Variants in RASGEF1A observed in about 807,000 individuals in gnomAD.
RASGEF1A encodes the protein RasGEF domain family member 1A.
In RASGEF1A, 18 loss-of-function variants were observed where a neutral mutation model predicts 56.4. That is an observed-to-expected ratio of 0.32 (90% CI 0.22 to 0.47). RASGEF1A has a LOEUF of 0.47. Among genes scored for constraint, RASGEF1A ranks in the 20% least tolerant of loss-of-function variants. RASGEF1A has a pLI of 1.00. For missense variants in RASGEF1A, 422 were observed against 627.1 expected, an observed-to-expected ratio of 0.67 and a Z score of 3.49; for synonymous variants, 245 against 242.6, an observed-to-expected ratio of 1.01 and a Z score of -0.09.
At chr10:43,248,923 C>CA (rs1333588034) in intron 1 of RASGEF1A, among the ~76,000 whole-genome samples, 1 of 152,106 alleles carries the variant, frequency 6.6e-6, no homozygotes, top group African/African-American at 2.4e-5. Context: ...CACCAGCCGG[C>CA]AACAAGTGCT....
At chr10:43,209,996 G>A (rs1041918640) in intron 1 of RASGEF1A, among the ~76,000 whole-genome samples, 2 of 152,222 alleles carry the variant, frequency 1.3e-5, no homozygotes, top group African/African-American at 2.4e-5. Flanking sequence ...TGTGGCCGCT[G>A]GACCTGCAGC....
intron 1 of RASGEF1A, among the ~76,000 whole-genome samples, chr10:43,209,826 C>T (rs1385873859): frequency 6.6e-6 from 1 of 152,160 alleles, no homozygotes; most frequent in Non-Finnish European, 1.5e-5. Flanking sequence ...AGAGCCAGAC[C>T]CTGCATGGAT....
Position 43,203,508 on chromosome 10 carries a change from T to C in RASGEF1A, c.199-88A>G, listed in dbSNP as rs917019075. 5 of 1,439,284 alleles carry C rather than the reference T, an allele frequency of 3.5e-6. No individual in the cohort carries two copies. The African/African-American group carries it at 4.4e-5, about 13-fold the overall frequency. The allele number at this position is 1,439,284 out of a possible 1,614,324, so 89.2% of individuals were successfully genotyped here. On this transcript the variant is annotated intron_variant, in intron 2 of 12. Coordinates refer to ENST00000395810, the MANE Select transcript of RASGEF1A (RefSeq NM_145313.4). ...CGCTGCTTCACCTGGCCCGGCTGCC[T>C]CCCAGGCCCAGCACCGCCGGTCCCG...
chr10:43,257,749 C>T (rs565973821), intron 1 of RASGEF1A, among the ~76,000 whole-genome samples: 1 of 152,320 alleles, frequency 6.6e-6, no homozygotes, highest in South Asian at 2.1e-4. Flanking sequence ...GCTGCACTGA[C>T]CATTTTCACA....
At chr10:43,255,656 T>C (rs1480558886) in intron 1 of RASGEF1A, among the ~76,000 whole-genome samples, 1 of 152,224 alleles carries the variant, frequency 6.6e-6, no homozygotes, top group African/African-American at 2.4e-5. Flanking sequence ...AAACCGGAAG[T>C]GTCTGTCCAA....
chr10:43,252,024 G>A lies in RASGEF1A; in HGVS notation c.-7+14821C>T, dbSNP rs975316509. Among the ~76,000 whole-genome samples the A allele has an allele frequency of 5.3e-5, 8 of 152,214 alleles. No individual in the cohort carries two copies. In the South Asian group the frequency reaches 1.0e-3, roughly 20 times the overall value. On this transcript the variant is annotated intron_variant, in intron 1 of 12. Transcript: ENST00000395810. ...CCCTGAGGACACACAGGGTGGTGTC[G>A]AGCTCCCACCTGGCCCTGGCCATGA...
intron 1 of RASGEF1A, chr10:43,208,807 G>C: frequency 1.0e-6 from 1 of 985,544 alleles, no homozygotes. Flanking sequence ...AGCACTTCGA[G>C]GAGGGTCTCC....
chr10:43,206,383 G>T (rs766488981), intron 1 of RASGEF1A, among the ~76,000 whole-genome samples: 1 of 152,216 alleles, frequency 6.6e-6, no homozygotes, highest in Non-Finnish European at 1.5e-5. Flanking sequence ...ACTCAAAGCC[G>T]GCAGAGAAGA....
rs1210989709 is a variant in RASGEF1A, at chr10:43,200,206, G to A, written c.732C>T (p.His244=). Residue 244 remains histidine, a synonymous_variant, in exon 6 of 13, where the codon CAC becomes CAT. Transcript: ENST00000395810. The stretch of plus-strand genomic sequence containing the variant: ...CCCTGTGGTTGTCCAAGGAGTCCAT[G>A]TGGCTGACGATCTGCATCAAGTCCT... ...YPEDLMQIVS[H]MDSLDNHRCR... 2 of 1,605,566 alleles carry A rather than the reference G, an allele frequency of 1.2e-6. No homozygotes were observed. The highest frequency in any genetic ancestry group is 2.2e-5 in the East Asian group (1 of 44,718).
intron 1 of RASGEF1A, among the ~76,000 whole-genome samples, chr10:43,250,145 C>T (rs1840610127): frequency 6.6e-6 from 1 of 152,184 alleles, no homozygotes; most frequent in Admixed American, 6.5e-5. Context: ...GGTGCAGCTC[C>T]CTGCGAGGCA....
At chr10:43,225,277 CTGTGTGTT>C (rs1452247915) in intron 1 of RASGEF1A, among the ~76,000 whole-genome samples, 2 of 115,696 alleles carry the variant, frequency 1.7e-5, no homozygotes, top group Non-Finnish European at 3.4e-5. Context: ...GTCTCTGTGT[CTGTGTGTT>C]TCTGTGTGTC....
chr10:43,202,952 C>G (rs1263576972), intron 3 of RASGEF1A, among the ~76,000 whole-genome samples: 1 of 147,664 alleles, frequency 6.8e-6, no homozygotes, highest in African/African-American at 2.5e-5. Flanking sequence ...TGACCCTGCC[C>G]CGAGACCCCA....
Position 43,198,129 on chromosome 10 carries a change from A to T in RASGEF1A, c.1099T>A (p.Ser367Thr). ...TCACGGCTGCTGTTGGCCATCTGGG[A>T]CCTCTGCGTGGCCCCCTGCAGGGCT... is the stretch of plus-strand genomic sequence containing the variant. ...RTALQGATQR[S>T]QMANSSREKI... The change falls in exon 10 of 13, where the codon TCC (serine) becomes ACC (threonine). Residue 367 changes from serine (S) to threonine (T), a missense_variant. Ser to Thr is a moderately conservative substitution (Grantham distance 58, BLOSUM62 1). Around this residue, in one of 2 missense-constraint regions of RASGEF1A, gnomAD observed 149 missense variants for 287.2 expected, o/e 0.52. Coordinates refer to ENST00000395810, the MANE Select transcript of RASGEF1A (RefSeq NM_145313.4). 1 of 1,614,038 alleles carries T rather than the reference A, an allele frequency of 6.2e-7. No individual in the cohort carries two copies. Among genetic ancestry groups the T allele is most frequent in the Non-Finnish European group, 8.5e-7 (1 of 1,179,934 alleles).
intron 1 of RASGEF1A, among the ~76,000 whole-genome samples, chr10:43,249,914 G>A (rs1377877261): frequency 1.3e-5 from 2 of 152,220 alleles, no homozygotes; most frequent in East Asian, 1.9e-4. Flanking sequence ...GGACTTTCAC[G>A]TGTGTTTAAA....
chr10:43,199,712 G>C lies in RASGEF1A; in HGVS notation c.813C>G (p.Asn271Lys). The C allele has an allele frequency of 6.2e-7, 1 of 1,613,756 alleles. No homozygotes were observed. Among genetic ancestry groups the C allele is most frequent in the Non-Finnish European group, 8.5e-7 (1 of 1,180,026 alleles). Residue 271 changes from asparagine (N) to lysine (K), a missense_variant, in exon 7 of 13, where the codon AAC becomes AAG. By Grantham distance (94) the Asn-to-Lys change is moderately conservative. This residue lies in a region of RASGEF1A where 149 missense variants were observed against 287.2 expected (regional missense o/e 0.52). Coordinates refer to ENST00000395810, the MANE Select transcript of RASGEF1A (RefSeq NM_145313.4). ...CAGTGGCCACCAGCATGCTCAGGCA[G>C]TTGAACCAGTTGTCATAGGCCTCCA... ...YSLEAYDNWF[N>K]CLSMLVATEV...
At chr10:43,229,358 C>A (rs1294108120) in intron 1 of RASGEF1A, among the ~76,000 whole-genome samples, 1 of 152,258 alleles carries the variant, frequency 6.6e-6, no homozygotes, top group Non-Finnish European at 1.5e-5. Context: ...CGGGCTCCTA[C>A]ACGCCCGTCC....
In RASGEF1A at chr10:43,254,677, T is replaced by A. The variant is rs114205295; in HGVS notation, c.-7+12168A>T. Among the ~76,000 whole-genome samples the A allele has an allele frequency of 1.9e-3, 294 of 152,132 alleles. 1 individual carries two copies. Among genetic ancestry groups the A allele is most frequent in the African/African-American group, 6.7e-3 (277 of 41,500 alleles). ...GGGCTGGGAGTCCATAAGGCTGTGC[T>A]CCCTGAGCAAGTCTCTGTGGTCACA... is the stretch of plus-strand genomic sequence containing the variant. On this transcript the variant is annotated intron_variant, in intron 1 of 12. Coordinates refer to ENST00000395810, the MANE Select transcript of RASGEF1A (RefSeq NM_145313.4).
chr10:43,210,619 T>C (rs1840052813), intron 1 of RASGEF1A, among the ~76,000 whole-genome samples: 1 of 152,236 alleles, frequency 6.6e-6, no homozygotes. Context: ...GGCACTGGCA[T>C]CTTCCACAGA....
rs1363953849 is a variant in RASGEF1A at position 43,203,284 on chromosome 10, A to T, written c.321+14T>A. On this transcript the variant is annotated intron_variant, in intron 3 of 12. Transcript: ENST00000395810. ...CCCTGCCCCCGCCCGTGCCCCAGCC[A>T]GGCCCCGCCTCACCTTTTCAGGCCC... 2 of 1,526,812 alleles carry T rather than the reference A, an allele frequency of 1.3e-6. No homozygotes were observed. Among genetic ancestry groups the T allele is most frequent in the Admixed American group, 4.0e-5 (2 of 50,432 alleles). The allele number at this position is 1,526,812 out of a possible 1,614,324, so 94.6% of individuals were successfully genotyped here. A position where few individuals can be genotyped will look rare whatever the true frequency, so the allele number is the denominator to read the frequency against.
Sources: gnomAD v4.1 joint callset for allele counts (sites outside exome capture counted in the v4.1 genomes callset) on GRCh38, gnomAD v4.1.1 for gene constraint, gnomAD v4.1.1 regional missense constraint, MANE v1.5 for transcripts, NCBI Gene and HGNC (gene_info 2026-07-23, HGNC 2026-07-21) for gene names.